Variants in SGCD observed in about 807,000 individuals in gnomAD.
SGCD encodes the protein sarcoglycan delta.
Under a neutral mutation model 36.6 loss-of-function variants are expected in SGCD, and 18 were observed. The ratio of observed to expected loss-of-function variants is 0.49; its 90% CI spans 0.34 to 0.73. The LOEUF (loss-of-function observed/expected upper bound fraction) is 0.73, where lower values mean the gene tolerates loss of function less well. Ranked by LOEUF, SGCD falls within the 30% of genes least tolerant of loss-of-function variation. The pLI, the probability that SGCD is intolerant of heterozygous loss-of-function variation, is 0.01. For missense variants in SGCD, 387 were observed against 346.7 expected (o/e 1.12, Z -0.92); for synonymous variants, 133 against 130.6 (o/e 1.02, Z -0.12).
the SGCD span, among the ~76,000 whole-genome samples, chr5:155,799,428 C>T: frequency 1.3e-5 from 2 of 149,080 alleles, no homozygotes; most frequent in Non-Finnish European, 3.0e-5. Flanking sequence ...GAGTCTTGCT[C>T]TGTCACCCAG....
intron 4 of SGCD, among the ~76,000 whole-genome samples, chr5:156,572,886 T>G (rs1229767884): frequency 1.3e-5 from 2 of 152,168 alleles, no homozygotes; most frequent in Non-Finnish European, 2.9e-5. Flanking sequence ...AAAGGATTAG[T>G]GACGACTACA....
chr5:156,324,436 T>C (rs1326162228), upstream of SGCD, among the ~76,000 whole-genome samples: 3 of 152,094 alleles, frequency 2.0e-5, no homozygotes, highest in Non-Finnish European at 2.9e-5. Context: ...TTCCCGCATA[T>C]GATATTGAAA....
At chr5:156,643,005 GT>G (rs1213244299) in intron 6 of SGCD, among the ~76,000 whole-genome samples, 29 of 144,374 alleles carry the variant, frequency 2.0e-4, no homozygotes, top group Admixed American at 2.0e-3. Flanking sequence ...TAATTACTAG[GT>G]TTTTTGGGGG....
intron 3 of SGCD, among the ~76,000 whole-genome samples, chr5:156,280,943 G>A (rs535209360): frequency 5.9e-5 from 9 of 152,210 alleles, no homozygotes; most frequent in African/African-American, 1.9e-4. Context: ...TTAATTAGGA[G>A]GCAGTTCCTG....
intron 3 of SGCD, among the ~76,000 whole-genome samples, chr5:156,284,624 C>A (rs990301205): frequency 1.3e-4 from 20 of 152,188 alleles, no homozygotes; most frequent in African/African-American, 4.8e-4. Context: ...ATTCAACAGC[C>A]CTTCATGCTA....
chr5:156,521,779 C>T (rs1757418703), intron 4 of SGCD, among the ~76,000 whole-genome samples: 1 of 152,146 alleles, frequency 6.6e-6, no homozygotes, highest in Non-Finnish European at 1.5e-5. Context: ...TTGTGAAAGA[C>T]AGTGTGGTGA....
At chr5:156,044,216 A>G (rs1215753286) in intron 1 of SGCD, among the ~76,000 whole-genome samples, 1 of 152,172 alleles carries the variant, frequency 6.6e-6, no homozygotes, top group Non-Finnish European at 1.5e-5. Context: ...CATTTCAGGT[A>G]GGAGGGAGTG....
At chr5:155,750,817 A>G in the SGCD span, among the ~76,000 whole-genome samples, 1 of 152,054 alleles carries the variant, frequency 6.6e-6, no homozygotes, top group Non-Finnish European at 1.5e-5. Context: ...GTTTGTTTTA[A>G]TTCATCCCAG....
intron 3 of SGCD, among the ~76,000 whole-genome samples, chr5:156,192,190 G>A (rs1206146966): frequency 6.6e-6 from 1 of 152,130 alleles, no homozygotes; most frequent in Non-Finnish European, 1.5e-5. Flanking sequence ...TGATAGTGAT[G>A]CATTTAGATA....
intron 3 of SGCD, among the ~76,000 whole-genome samples, chr5:156,473,648 C>G (rs1755062933): frequency 6.6e-6 from 1 of 152,180 alleles, no homozygotes; most frequent in Non-Finnish European, 1.5e-5. Flanking sequence ...GGAGTGTCAT[C>G]TGTATCAGTG....
Position 156,594,993 on chromosome 5 carries a change from G to T in SGCD, c.444G>T (p.Leu148Phe). The T allele has an allele frequency of 6.2e-7, 1 of 1,612,348 alleles. No homozygotes were observed. Among genetic ancestry groups the T allele is most frequent in the Non-Finnish European group, 8.5e-7 (1 of 1,178,890 alleles). The change falls in exon 6 of 9, where the codon TTG becomes TTT. Residue 148 changes from leucine to phenylalanine, a missense_variant. Physicochemically the swap from Leu to Phe is conservative, Grantham distance 22. Coordinates refer to ENST00000337851, the MANE Select transcript of SGCD (RefSeq NM_000337.6). The stretch of plus-strand genomic sequence containing the variant: ...AGGTAAAAACTGTTTCTGGAAAATT[G>T]CTCTTCTCTGCAGACAATAATGAAG... ...KFEVKTVSGK[L>F]LFSADNNEVV...
intron 1 of SGCD, among the ~76,000 whole-genome samples, chr5:155,902,454 T>C (rs1238265876): frequency 6.6e-6 from 1 of 152,236 alleles, no homozygotes; most frequent in Non-Finnish European, 1.5e-5. Context: ...ACTACTTTAA[T>C]ATTATCATTT....
At chr5:155,774,796 T>G in the SGCD span, among the ~76,000 whole-genome samples, 1 of 152,052 alleles carries the variant, frequency 6.6e-6, no homozygotes, top group Non-Finnish European at 1.5e-5. Context: ...ATCTGCAAAG[T>G]CCCTTTTGTC....
At chr5:156,390,007 C>T (rs904433421) in intron 3 of SGCD, among the ~76,000 whole-genome samples, 1 of 152,038 alleles carries the variant, frequency 6.6e-6, no homozygotes, top group African/African-American at 2.4e-5. Flanking sequence ...ATGTCATAGT[C>T]GTCGTCTTAT....
At chr5:156,463,007 G>A (rs1754554096) in intron 3 of SGCD, among the ~76,000 whole-genome samples, 1 of 152,160 alleles carries the variant, frequency 6.6e-6, no homozygotes, top group South Asian at 2.1e-4. Flanking sequence ...AGTTCAGCAT[G>A]AAATAAACCC....
At chr5:155,998,075 T>C (rs142758502) in intron 1 of SGCD, among the ~76,000 whole-genome samples, 1 of 152,352 alleles carries the variant, frequency 6.6e-6, no homozygotes, top group East Asian at 1.9e-4. Flanking sequence ...CTCTACTGTC[T>C]AGTGTGTTAC....
In SGCD at chr5:156,052,442, C is replaced by G. The variant is rs543482873; in HGVS notation, c.-281-65436C>G. ...CATGCTAAGTGTGATGAAAGGAAGC[C>G]TAGGGGCTTGGAGGACTAAGTTTAT... On this transcript the variant is annotated intron_variant, in intron 1 of 9. Coordinates refer to the SGCD transcript ENST00000517913. Among the ~76,000 whole-genome samples, 27 of 146,344 alleles carry G rather than the reference C, an allele frequency of 1.8e-4. 4 individuals are homozygous for G. Among genetic ancestry groups the G allele is most frequent in the Middle Eastern group, 7.1e-3 (2 of 280 alleles).
intron 3 of SGCD, among the ~76,000 whole-genome samples, chr5:156,350,387 C>G (rs1001513473): frequency 6.6e-6 from 1 of 151,432 alleles, no homozygotes; most frequent in Admixed American, 6.6e-5. Context: ...TGTGTAATGA[C>G]GAACTATAAG....
At chr5:156,219,105 C>T (rs1335470617) in intron 3 of SGCD, among the ~76,000 whole-genome samples, 1 of 152,184 alleles carries the variant, frequency 6.6e-6, no homozygotes, top group Admixed American at 6.5e-5. Flanking sequence ...TTTTGTACCG[C>T]TACTCAGTTG....
Sources: gnomAD v4.1 joint callset for allele counts (sites outside exome capture counted in the v4.1 genomes callset) on GRCh38, gnomAD v4.1.1 for gene constraint, MANE v1.5 for transcripts, NCBI Gene and HGNC (gene_info 2026-07-23, HGNC 2026-07-21) for gene names.